Variants in PDZRN3 observed in about 807,000 individuals in gnomAD.
PDZRN3 encodes PDZ domain containing ring finger 3.
Under a neutral mutation model 85.7 loss-of-function variants are expected in PDZRN3, and 38 were observed. The observed-to-expected ratio is 0.44, with a 90% confidence interval of 0.34 to 0.58. PDZRN3 has a LOEUF of 0.58. Among genes scored for constraint, PDZRN3 ranks in the 20% least tolerant of loss-of-function variants. PDZRN3 has a pLI of 0.01. For missense variants in PDZRN3, 1,629 were observed against 1,506.4 expected, an observed-to-expected ratio of 1.08 and a Z score of -1.35; for synonymous variants, 759 against 638.0, an observed-to-expected ratio of 1.19 and a Z score of -2.86.
chr3:73,617,752 G>A (rs562934755), intron 1 of PDZRN3, among the ~76,000 whole-genome samples: 1 of 152,034 alleles, frequency 6.6e-6, no homozygotes, highest in Non-Finnish European at 1.5e-5. Flanking sequence ...CCAGGCTGGA[G>A]TGCACTGGCA....
chr3:73,620,863 A>C (rs1330236095), intron 1 of PDZRN3, among the ~76,000 whole-genome samples: 1 of 152,000 alleles, frequency 6.6e-6, no homozygotes, highest in Admixed American at 6.5e-5. Context: ...GGCGTGAGCC[A>C]CTGAGCCCGG....
intron 3 of PDZRN3, chr3:73,569,372 A>T: frequency 2.5e-6 from 3 of 1,201,798 alleles, no homozygotes; most frequent in Non-Finnish European, 3.2e-6. Flanking sequence ...GCTGGGAGGG[A>T]GGGGGCCACA....
chr3:73,392,687 A>G (rs1022457308), intron 5 of PDZRN3, among the ~76,000 whole-genome samples: 1 of 152,162 alleles, frequency 6.6e-6, no homozygotes, highest in African/African-American at 2.4e-5. Context: ...CAGAGTGGGT[A>G]TATTTCAGTG....
At chr3:73,506,857 T>C (rs1279147692) in intron 3 of PDZRN3, among the ~76,000 whole-genome samples, 1 of 150,794 alleles carries the variant, frequency 6.6e-6, no homozygotes, top group Non-Finnish European at 1.5e-5. Context: ...CAGCTATGAC[T>C]GTGCCACTGT....
chr3:73,405,025 A>T (rs1265474788), intron 3 of PDZRN3, among the ~76,000 whole-genome samples: 2 of 152,202 alleles, frequency 1.3e-5, no homozygotes, highest in Admixed American at 1.3e-4. Flanking sequence ...CTATTACTGC[A>T]TCCTCAAAGC....
intron 3 of PDZRN3, among the ~76,000 whole-genome samples, chr3:73,482,647 C>T (rs545019518): frequency 2.6e-5 from 4 of 152,296 alleles, no homozygotes; most frequent in Non-Finnish European, 4.4e-5. Context: ...CCTAGGCAAG[C>T]TCAATTAAAT....
chr3:73,391,076 C>A lies in PDZRN3; in HGVS notation c.1295G>T (p.Gly432Val). Residue 432 changes from glycine (G) to valine (V), a missense_variant, in exon 6 of 10, where the codon GGC becomes GTC. By Grantham distance (109) the Gly-to-Val change is moderately radical. Coordinates refer to ENST00000263666, the MANE Select transcript of PDZRN3 (RefSeq NM_015009.3). ...GTCCGTCCGGTAGCACACAGTGAGG[C>A]CCAGCTTGTCCTGGCTGTTCATTCT... Reference protein sequence around the residue: ...LYRMNSQDKLGLTVCYRTDDE... With the variant: ...LYRMNSQDKLVLTVCYRTDDE... 1.2e-6 allele frequency: 2 copies of A among 1,613,880 alleles called. No individual in the cohort carries two copies. Among genetic ancestry groups the A allele is most frequent in the Non-Finnish European group, 1.7e-6 (2 of 1,179,790 alleles).
At chr3:73,394,200 C>T (rs1323025112) in intron 5 of PDZRN3, among the ~76,000 whole-genome samples, 4 of 152,212 alleles carry the variant, frequency 2.6e-5, no homozygotes, top group Non-Finnish European at 4.4e-5. Flanking sequence ...TACGTTGCCA[C>T]TAACCTCACC....
rs555284858 is a variant in PDZRN3 at position 73,546,928 on chromosome 3, T to C, written c.918+55426A>G. On this transcript the variant is annotated intron_variant, in intron 3 of 9. Coordinates refer to ENST00000263666, the MANE Select transcript of PDZRN3 (RefSeq NM_015009.3). ...CTGGAAAAAGCCTGAGTTCAGCAGC[T>C]GGAAGATGAGGTGAGAACTCCCAGG... Among the ~76,000 whole-genome samples the C allele has an allele frequency of 5.3e-5, 8 of 152,304 alleles. No individual in the cohort carries two copies. The South Asian group carries it at 1.4e-3, about 28-fold the overall frequency.
At chr3:73,569,095 T>G (rs1702001887) in intron 3 of PDZRN3, 3 of 1,114,822 alleles carry the variant, frequency 2.7e-6, no homozygotes, top group South Asian at 1.3e-5. Flanking sequence ...CAGCTGAACT[T>G]TGAACCCAGC....
chr3:73,569,272 T>C, intron 3 of PDZRN3: 1 of 1,271,286 alleles, frequency 7.9e-7, no homozygotes, highest in Non-Finnish European at 1.0e-6. Context: ...AAGAATGTCG[T>C]ATGAAATGAA....
chr3:73,390,068 G>A (rs139741676), intron 6 of PDZRN3, among the ~76,000 whole-genome samples, 190 bp from the exon 7 acceptor site: 310 of 152,266 alleles, frequency 2.0e-3, no homozygotes, highest in African/African-American at 7.1e-3. Context: ...GCCCTTTCTA[G>A]GGCTGGTTCT....
intron 3 of PDZRN3, among the ~76,000 whole-genome samples, chr3:73,580,931 C>A (rs564687883): frequency 1.3e-5 from 2 of 152,340 alleles, no homozygotes; most frequent in South Asian, 4.1e-4. Context: ...TTCTGAAATA[C>A]AATGCAGCTG....
At chr3:73,409,923 T>C (rs1701931846) in intron 3 of PDZRN3, among the ~76,000 whole-genome samples, 1 of 152,246 alleles carries the variant, frequency 6.6e-6, no homozygotes, top group Admixed American at 6.5e-5. Flanking sequence ...CACAGTCACC[T>C]CTATTTCTAT....
At chr3:73,404,639 C>T (rs1306835118) in intron 3 of PDZRN3, 5 of 450,272 alleles carry the variant, frequency 1.1e-5, no homozygotes, top group Non-Finnish European at 2.0e-5. Flanking sequence ...TTAGCTTCCC[C>T]GTGGAATGTC....
chr3:73,526,533 A>C (rs775740556), intron 3 of PDZRN3, among the ~76,000 whole-genome samples: 1 of 152,210 alleles, frequency 6.6e-6, no homozygotes, highest in Non-Finnish European at 1.5e-5. Flanking sequence ...AGTCAGAAAC[A>C]AAGTACAATA....
chr3:73,426,341 C>T (rs1702314746), intron 3 of PDZRN3, among the ~76,000 whole-genome samples: 1 of 152,046 alleles, frequency 6.6e-6, no homozygotes, highest in Non-Finnish European at 1.5e-5. Context: ...CAATGATATT[C>T]TTTCACTTCT....
intron 3 of PDZRN3, among the ~76,000 whole-genome samples, chr3:73,597,881 A>G (rs1702454576): frequency 6.6e-6 from 1 of 152,180 alleles, no homozygotes; most frequent in African/African-American, 2.4e-5. Flanking sequence ...AGGTATTCAC[A>G]GAACAATCCA....
chr3:73,511,857 C>T (rs909416432), intron 3 of PDZRN3, among the ~76,000 whole-genome samples: 30 of 152,206 alleles, frequency 2.0e-4, no homozygotes, highest in East Asian at 1.9e-4. Context: ...TTTACATGAA[C>T]GGCTTCCAAC....
Sources: gnomAD v4.1 joint callset for allele counts (sites outside exome capture counted in the v4.1 genomes callset) on GRCh38, gnomAD v4.1.1 for gene constraint, MANE v1.5 for transcripts, NCBI Gene and HGNC (gene_info 2026-07-23, HGNC 2026-07-21) for gene names.